Variants in CLASP1 observed in about 807,000 individuals in gnomAD.
The protein encoded by CLASP1 is CLIP-associating protein 1.
CLASP1 carries 38 observed loss-of-function variants against 192.3 expected under a neutral mutation model. The ratio of observed to expected loss-of-function variants is 0.20; its 90% confidence interval spans 0.15 to 0.26. The LOEUF (loss-of-function observed/expected upper bound fraction) is 0.26. Among genes scored for constraint, CLASP1 ranks in the 10% least tolerant of loss-of-function variants. The probability of loss-of-function intolerance (pLI) is 1.00; values close to 1 mark genes in which losing one functional copy is unlikely to be tolerated. For missense variants in CLASP1, 1,433 were observed against 1,932.5 expected (o/e 0.74, Z 4.85); for synonymous variants, 691 against 712.8 (o/e 0.97, Z 0.49).
chr2:121,499,577 A>C (rs1054269536), intron 8 of CLASP1, among the ~76,000 whole-genome samples: 3 of 151,940 alleles, frequency 2.0e-5, no homozygotes, highest in African/African-American at 4.8e-5. Context: ...AATTATATAT[A>C]ATCTCAATTT....
intron 19 of CLASP1, among the ~76,000 whole-genome samples, chr2:121,437,694 AAAGTT>A (rs954477051): frequency 1.4e-4 from 21 of 152,350 alleles, no homozygotes; most frequent in African/African-American, 5.1e-4. Flanking sequence ...TCAGTTTAGT[AAAGTT>A]AACTTTTTGT....
At chr2:121,621,629 G>A (rs1036168572) in intron 1 of CLASP1, among the ~76,000 whole-genome samples, 1 of 152,130 alleles carries the variant, frequency 6.6e-6, no homozygotes, top group Non-Finnish European at 1.5e-5. Flanking sequence ...ATAAACAGAA[G>A]GGTTTAGTTC....
At chr2:121,558,625 T>C (rs1163770548) in intron 2 of CLASP1, among the ~76,000 whole-genome samples, 4 of 152,152 alleles carry the variant, frequency 2.6e-5, no homozygotes, top group Non-Finnish European at 4.4e-5. Flanking sequence ...CTGCAGAAAA[T>C]GCCCACCAGC....
intron 2 of CLASP1, among the ~76,000 whole-genome samples, chr2:121,589,517 C>T (rs2062117569): frequency 6.6e-6 from 1 of 151,768 alleles, no homozygotes; most frequent in African/African-American, 2.4e-5. Flanking sequence ...GTAGTCTCAG[C>T]TACTCAGGAG....
intron 8 of CLASP1, among the ~76,000 whole-genome samples, chr2:121,476,279 G>C (rs17039719): frequency 0.13 from 19,521 of 152,046 alleles, 1,722 homozygotes; most frequent in African/African-American, 0.24. Context: ...CTCCACTGAA[G>C]TCCCTAAGAA....
At chr2:121,640,610 T>C (rs1387348347) in intron 1 of CLASP1, among the ~76,000 whole-genome samples, 1 of 152,052 alleles carries the variant, frequency 6.6e-6, no homozygotes, top group African/African-American at 2.4e-5. Flanking sequence ...TTCCAGATGC[T>C]GCCAGATAGT....
At chr2:121,401,832 C>T in intron 27 of CLASP1, 36 bp downstream of exon 28, 1 of 766,190 alleles carries the variant, frequency 1.3e-6, no homozygotes, top group Non-Finnish European at 2.4e-6. Context: ...AAATGTAGTG[C>T]AGAAAACAGA....
chr2:121,638,663 C>CT (rs2071379069), intron 1 of CLASP1, among the ~76,000 whole-genome samples: 4 of 139,080 alleles, frequency 2.9e-5, no homozygotes, highest in African/African-American at 9.3e-5. Context: ...GAATGGTGTT[C>CT]TTTTTTATTT....
intron 33 of CLASP1, among the ~76,000 whole-genome samples, chr2:121,380,268 G>A (rs1441817285): frequency 6.6e-6 from 1 of 152,180 alleles, no homozygotes; most frequent in Non-Finnish European, 1.5e-5. Flanking sequence ...GGCCTCAGAA[G>A]CTGACTGAGA....
At chr2:121,525,788 T>TGCATC (rs1175218174) in intron 6 of CLASP1, 57 bp downstream of exon 6, 17 of 1,199,504 alleles carry the variant, frequency 1.4e-5, no homozygotes, top group Non-Finnish European at 2.0e-5. Context: ...AACACCAGAA[T>TGCATC]GCATCTCAAC....
In CLASP1 at chr2:121,398,631, G is replaced by T. The variant is rs533829201; in HGVS notation, c.2901-231C>A. 9.9e-5 allele frequency among the ~76,000 whole-genome samples: 15 copies of T among 152,236 alleles called. No homozygotes were observed. In the East Asian group the frequency reaches 2.9e-3, roughly 29 times the overall value. On this transcript the variant is annotated intron_variant, in intron 28 of 39. Transcript: ENST00000263710. ...ACACAAATTGAACTTACTTTGAGTG[G>T]CTATTTAAAAAATTAAGACTAAGCA...
intron 35 of CLASP1, among the ~76,000 whole-genome samples, chr2:121,366,533 C>T (rs1476127534): frequency 6.6e-6 from 1 of 152,228 alleles, no homozygotes; most frequent in Non-Finnish European, 1.5e-5. Flanking sequence ...CATCTGCCTC[C>T]AGCACAGGCC....
chr2:121,418,054 A>G (rs2078903932), intron 23 of CLASP1, among the ~76,000 whole-genome samples: 1 of 152,270 alleles, frequency 6.6e-6, no homozygotes, highest in South Asian at 2.1e-4. Context: ...TCACAAAAGT[A>G]TGTGTTGACA....
Position 121,389,946 on chromosome 2 carries a change from G to A in CLASP1, c.3124-2040C>T, listed in dbSNP as rs570028348. ...AGCTGTTTACAGGTCCAATCATAGTGCACTGCAGCCTCGAACTCCTGTGCT... is the reference window on the plus strand; with the variant it reads ...AGCTGTTTACAGGTCCAATCATAGTACACTGCAGCCTCGAACTCCTGTGCT... On this transcript the variant is annotated intron_variant, in intron 30 of 39. Transcript: ENST00000263710. 2.6e-5 allele frequency among the ~76,000 whole-genome samples: 4 copies of A among 151,858 alleles called. No individual in the cohort carries two copies. The South Asian group carries it at 6.3e-4, about 24-fold the overall frequency.
intron 34 of CLASP1, among the ~76,000 whole-genome samples, chr2:121,368,426 C>T (rs542051875): frequency 1.0e-3 from 154 of 152,284 alleles, no homozygotes; most frequent in Non-Finnish European, 1.8e-3. Flanking sequence ...GGTCAAAGAA[C>T]AGGACTTTAG....
chr2:121,414,565 C>T (rs1229290619), intron 23 of CLASP1, among the ~76,000 whole-genome samples: 1 of 152,196 alleles, frequency 6.6e-6, no homozygotes, highest in Non-Finnish European at 1.5e-5. Flanking sequence ...GCACCGTCTA[C>T]ATCCCAGAGC....
intron 2 of CLASP1, among the ~76,000 whole-genome samples, chr2:121,548,130 T>G (rs13418939): frequency 0.3 from 45,033 of 152,058 alleles, 10,555 homozygotes; most frequent in African/African-American, 0.65. Flanking sequence ...CTGAGATTCA[T>G]GAGAATAGCA....
chr2:121,569,297 C>T (rs934605027), intron 2 of CLASP1, among the ~76,000 whole-genome samples: 9 of 152,124 alleles, frequency 5.9e-5, no homozygotes, highest in South Asian at 4.1e-4. Flanking sequence ...TAGGATATAG[C>T]TCATAACACA....
At chr2:121,411,235 C>G (rs2077656104) in intron 23 of CLASP1, among the ~76,000 whole-genome samples, 2 of 152,174 alleles carry the variant, frequency 1.3e-5, no homozygotes. Context: ...GAAGCGGGAA[C>G]TTATTATAAA....
Sources: gnomAD v4.1 joint callset for allele counts (sites outside exome capture counted in the v4.1 genomes callset) on GRCh38, gnomAD v4.1.1 for gene constraint, MANE v1.5 for transcripts, NCBI Gene and HGNC (gene_info 2026-07-23, HGNC 2026-07-21) for gene names.